Variants in RBFOX1 observed in about 807,000 individuals in gnomAD.
The protein encoded by RBFOX1 is RNA binding fox-1 homolog 1.
In RBFOX1, 8 loss-of-function variants were observed where a neutral mutation model predicts 57.7. The ratio of observed to expected loss-of-function variants is 0.14; its 90% CI spans 0.08 to 0.25. The LOEUF (loss-of-function observed/expected upper bound fraction) is 0.25. Ranked by LOEUF, RBFOX1 falls within the 10% of genes least tolerant of loss-of-function variation. RBFOX1 has a pLI of 1.00. For synonymous variants in RBFOX1, 326 were observed against 222.4 expected, an observed-to-expected ratio of 1.47 and a Z score of -4.15; for missense variants, 611 against 548.5, an observed-to-expected ratio of 1.11 and a Z score of -1.14.
intron 3 of RBFOX1, among the ~76,000 whole-genome samples, chr16:6,887,704 C>G (rs547764834): frequency 6.6e-6 from 1 of 151,756 alleles, no homozygotes; most frequent in Non-Finnish European, 1.5e-5. Flanking sequence ...ACTCTGTCAC[C>G]CAGGTTGGAG....
chr16:7,073,499 A>G (rs1018973871), intron 4 of RBFOX1, among the ~76,000 whole-genome samples: 1 of 152,150 alleles, frequency 6.6e-6, no homozygotes, highest in Admixed American at 6.5e-5. Flanking sequence ...AATTCGTTCT[A>G]TGTATTGAAA....
chr16:6,546,542 T>A (rs1346841881), intron 2 of RBFOX1, among the ~76,000 whole-genome samples: 1 of 152,188 alleles, frequency 6.6e-6, no homozygotes. Flanking sequence ...TCTGTCTGCT[T>A]CTACTTTCAT....
chr16:7,497,260 A>G (rs1459030029), intron 4 of RBFOX1, among the ~76,000 whole-genome samples: 1 of 152,068 alleles, frequency 6.6e-6, no homozygotes, highest in Non-Finnish European at 1.5e-5. Flanking sequence ...CACCACACCT[A>G]TACTCCAGCC....
chr16:6,822,274 C>T (rs895685888), intron 3 of RBFOX1, among the ~76,000 whole-genome samples: 2 of 152,122 alleles, frequency 1.3e-5, no homozygotes, highest in African/African-American at 2.4e-5. Context: ...CCACTTTCTG[C>T]CTTTTCCATT....
At chr16:6,675,733 C>G (rs1478407918) in intron 3 of RBFOX1, among the ~76,000 whole-genome samples, 1 of 152,168 alleles carries the variant, frequency 6.6e-6, no homozygotes, top group Non-Finnish European at 1.5e-5. Flanking sequence ...AGGGCTTTCC[C>G]TTTATGAAAC....
chr16:7,151,395 G>A (rs1030727707), intron 4 of RBFOX1, among the ~76,000 whole-genome samples: 2 of 152,118 alleles, frequency 1.3e-5, no homozygotes, highest in Non-Finnish European at 2.9e-5. Flanking sequence ...TTGTCTTCAA[G>A]CAGGGCAGGG....
intron 3 of RBFOX1, among the ~76,000 whole-genome samples, chr16:5,712,760 G>A (rs2051540720): frequency 6.6e-6 from 1 of 152,186 alleles, no homozygotes; most frequent in South Asian, 2.1e-4. Context: ...GTGGTTAGAT[G>A]ATCTGAAGAA....
intron 3 of RBFOX1, among the ~76,000 whole-genome samples, chr16:6,853,494 G>A (rs184271493): frequency 4.6e-5 from 7 of 152,012 alleles, no homozygotes; most frequent in Non-Finnish European, 8.8e-5. Context: ...TGTGGTGCTC[G>A]AGGACAATCC....
At chr16:7,569,561 G>C (rs147354286) in intron 5 of RBFOX1, among the ~76,000 whole-genome samples, 2,442 of 152,220 alleles carry the variant, frequency 0.016, 68 homozygotes, top group African/African-American at 0.055. Flanking sequence ...CTATTTTATG[G>C]TCATGTGATT....
intron 4 of RBFOX1, among the ~76,000 whole-genome samples, chr16:7,176,816 T>C (rs995545205): frequency 2.0e-5 from 3 of 152,008 alleles, no homozygotes; most frequent in Non-Finnish European, 4.4e-5. Flanking sequence ...GCACAAAACA[T>C]CTGTGGTAAT....
At chr16:6,503,675 C>G (rs2096005628) in intron 2 of RBFOX1, among the ~76,000 whole-genome samples, 1 of 152,176 alleles carries the variant, frequency 6.6e-6, no homozygotes, top group South Asian at 2.1e-4. Flanking sequence ...GTAGCAATCT[C>G]TAACTGAGGA....
rs931146334 is a variant in RBFOX1 at position 7,525,013 on chromosome 16, C to G, written c.270+6624C>G. ...CTAACATGTCCTAATACCCACAACC[C>G]AAATTCTTAGTCTCTGTGCCAGAAA... is the stretch of plus-strand genomic sequence containing the variant. On this transcript the variant is annotated intron_variant, in intron 5 of 15. Coordinates refer to ENST00000550418, the MANE Select transcript of RBFOX1 (RefSeq NM_018723.4). 9.2e-5 allele frequency among the ~76,000 whole-genome samples: 14 copies of G among 152,266 alleles called. No homozygotes were observed. The East Asian group carries it at 1.9e-3, about 21-fold the overall frequency.
At chr16:6,132,114 G>C (rs923573902) in intron 1 of RBFOX1, among the ~76,000 whole-genome samples, 2 of 152,132 alleles carry the variant, frequency 1.3e-5, no homozygotes, top group Non-Finnish European at 2.9e-5. Flanking sequence ...AGCTTTTAAC[G>C]ACCAATTGAG....
chr16:7,034,947 C>T (rs868110635), intron 3 of RBFOX1, among the ~76,000 whole-genome samples: 12 of 146,694 alleles, frequency 8.2e-5, no homozygotes, highest in Middle Eastern at 7.2e-3. Context: ...CTCCCCGGTT[C>T]TATCGATTCT....
intron 1 of RBFOX1, among the ~76,000 whole-genome samples, chr16:5,334,981 C>G (rs1292373532): frequency 6.6e-6 from 1 of 152,074 alleles, no homozygotes; most frequent in African/African-American, 2.4e-5. Flanking sequence ...TTCAAGTAGA[C>G]TTGTTTTTCT....
At chr16:5,487,929 A>T (rs952083675) in intron 2 of RBFOX1, among the ~76,000 whole-genome samples, 1 of 151,896 alleles carries the variant, frequency 6.6e-6, no homozygotes, top group Non-Finnish European at 1.5e-5. Flanking sequence ...GGTGATGATA[A>T]TGATAATTAT....
chr16:6,613,759 A>G (rs1045130171), intron 2 of RBFOX1, among the ~76,000 whole-genome samples: 3 of 152,218 alleles, frequency 2.0e-5, no homozygotes, highest in Non-Finnish European at 4.4e-5. Flanking sequence ...CAACATGGCG[A>G]AACCCCATCT....
intron 3 of RBFOX1, among the ~76,000 whole-genome samples, chr16:5,691,954 A>C (rs2050693286): frequency 6.6e-6 from 1 of 152,168 alleles, no homozygotes; most frequent in Admixed American, 6.5e-5. Flanking sequence ...TGAGACATGT[A>C]ACACGAAGGC....
intron 3 of RBFOX1, among the ~76,000 whole-genome samples, chr16:5,820,415 C>A (rs996359374): frequency 6.6e-6 from 1 of 152,108 alleles, no homozygotes; most frequent in Non-Finnish European, 1.5e-5. Flanking sequence ...AAGGACCATC[C>A]CGGTGACCCC....
Sources: gnomAD v4.1 joint callset for allele counts (sites outside exome capture counted in the v4.1 genomes callset) on GRCh38, gnomAD v4.1.1 for gene constraint, MANE v1.5 for transcripts, NCBI Gene and HGNC (gene_info 2026-07-23, HGNC 2026-07-21) for gene names.